The following FRMD8 variants were observed in gnomAD, a reference collection of about 807,000 sequenced individuals.
The protein encoded by FRMD8 is FERM domain-containing protein 8.
Under a neutral mutation model 54.2 loss-of-function variants are expected in FRMD8, and 37 were observed. The observed-to-expected ratio is 0.68, with a 90% CI of 0.53 to 0.90. The LOEUF (loss-of-function observed/expected upper bound fraction) is 0.90. FRMD8 is among the 40% of genes least tolerant of loss of function. FRMD8 has a pLI of 0.00. For missense variants in FRMD8, 585 were observed against 653.7 expected, an observed-to-expected ratio of 0.89 and a Z score of 1.15; for synonymous variants, 246 against 286.9, an observed-to-expected ratio of 0.86 and a Z score of 1.44.
intron 10 of FRMD8, among the ~76,000 whole-genome samples, chr11:65,405,832 CTCTACAAAATATACTTAAACT>C (rs1856183996): frequency 6.6e-6 from 1 of 151,860 alleles, no homozygotes; most frequent in Non-Finnish European, 1.5e-5. Flanking sequence ...GAGACCCTGT[CTCTACAAAATATACTTAAACT>C]TAGCTGAGCA....
intron 4 of FRMD8, 151 bp from the exon 5 acceptor site, chr11:65,393,890 T>G: frequency 1.2e-6 from 1 of 846,168 alleles, no homozygotes; most frequent in Non-Finnish European, 1.9e-6. Context: ...CGGGGCACGT[T>G]GGGATGAGCT....
At chr11:65,394,012 C>T (rs753324725) in intron 4 of FRMD8, 29 bp from the exon 5 acceptor site, 1 of 1,612,074 alleles carries the variant, frequency 6.2e-7, no homozygotes, top group South Asian at 1.1e-5. Context: ...AGTGGGGATG[C>T]CCGGCAGTGA....
intron 10 of FRMD8, 57 bp from the exon 11 acceptor site, chr11:65,411,185 A>G: frequency 7.1e-7 from 1 of 1,417,690 alleles, no homozygotes; most frequent in Non-Finnish European, 9.6e-7. Context: ...CCTGGGCCTG[A>G]GCCCCCTCAC....
the FRMD8 span, among the ~76,000 whole-genome samples, chr11:65,371,984 T>C: frequency 3.0e-4 from 46 of 152,166 alleles, no homozygotes; most frequent in African/African-American, 1.1e-3. Context: ...CAATCTCAGC[T>C]CACTTCAACC....
In FRMD8 at chr11:65,393,638, C is replaced by G; in HGVS notation, c.319C>G (p.Arg107Gly). The change falls in exon 4 of 11, where the codon CGC becomes GGC. Residue 107 changes from arginine to glycine, a missense_variant. Transcript: ENST00000317568. ...LGRQWPELLL[R>G]FTSAPDDDVA... ...ACGCCAGTGGCCGGAGCTGCTGCTG[C>G]GCTTCACCAGTGCCCCAGACGATGA... The G allele has an allele frequency of 6.2e-7, 1 of 1,607,950 alleles. No homozygotes were observed. Among genetic ancestry groups the G allele is most frequent in the Non-Finnish European group, 8.5e-7 (1 of 1,179,868 alleles).
chr11:65,380,335 G>T, the FRMD8 span: 3 of 1,089,188 alleles, frequency 2.8e-6, no homozygotes. Flanking sequence ...GACTCCAGCT[G>T]CCCCTGCCAC....
chr11:65,379,684 A>C, the FRMD8 span: 1 of 1,264,980 alleles, frequency 7.9e-7, no homozygotes, highest in Non-Finnish European at 1.1e-6. Context: ...GGAAGTGGGG[A>C]CAGGCAGGGA....
chr11:65,381,764 C>A, upstream of FRMD8: 1 of 920,532 alleles, frequency 1.1e-6, no homozygotes, highest in South Asian at 1.3e-5. Context: ...CCCTATGTTG[C>A]CCAGACTGGT....
chr11:65,390,487 C>T (rs1855821763), intron 3 of FRMD8, among the ~76,000 whole-genome samples: 1 of 152,136 alleles, frequency 6.6e-6, no homozygotes, highest in South Asian at 2.1e-4. Flanking sequence ...GTTATGTCTT[C>T]TCCTGAGGCT....
the FRMD8 span, chr11:65,376,527 G>A: frequency 5.0e-6 from 8 of 1,614,098 alleles, no homozygotes; most frequent in Admixed American, 1.7e-5. Context: ...CCTGCCGGAT[G>A]CTGCTCACCA....
the FRMD8 span, chr11:65,376,605 G>C: frequency 6.2e-7 from 1 of 1,614,064 alleles, no homozygotes; most frequent in Non-Finnish European, 8.5e-7. Context: ...ACTTGATCAT[G>C]TCTAAGGGCG....
chr11:65,389,502 C>T lies in FRMD8; in HGVS notation c.227C>T (p.Ala76Val), dbSNP rs931788549. ...CCAGACATCGCCCTGGATGTCTTCGCGCTCTGGCTGGTCTCCCCTCTGCTG... is the reference window on the plus strand; with the variant it reads ...CCAGACATCGCCCTGGATGTCTTCGTGCTCTGGCTGGTCTCCCCTCTGCTG... Reference protein sequence around the residue: ...QLPDIALDVFALWLVSPLLEV... With the variant: ...QLPDIALDVFVLWLVSPLLEV... Residue 76 changes from alanine to valine, a missense_variant, in exon 3 of 11, where the codon GCG (alanine) becomes GTG (valine). Physicochemically the swap from Ala to Val is moderately conservative, Grantham distance 64. Coordinates refer to ENST00000317568, the MANE Select transcript of FRMD8 (RefSeq NM_031904.5). 6 of 1,600,772 alleles carry T rather than the reference C, an allele frequency of 3.7e-6. No individual in the cohort carries two copies. The highest frequency in any genetic ancestry group is 1.3e-5 in the African/African-American group (1 of 74,780).
intron 3 of FRMD8, among the ~76,000 whole-genome samples, chr11:65,391,055 C>T (rs1245898901): frequency 5.9e-5 from 9 of 152,268 alleles, no homozygotes; most frequent in South Asian, 4.1e-4. Flanking sequence ...TGGGGTGAAC[C>T]GGTGACAGAT....
Position 65,394,351 on chromosome 11 carries a change from G to A in FRMD8, c.507G>A (p.Glu169=). 4 of 1,580,266 alleles carry A rather than the reference G, an allele frequency of 2.5e-6. No homozygotes were observed. The highest frequency in any genetic ancestry group is 1.7e-6 in the Non-Finnish European group (2 of 1,163,726). The part of the protein sequence containing the change: ...ARYPCDVEDC[E]ALGALVCRVQ... ...ACCCGTGCGACGTGGAGGACTGCGA[G>A]GCTCTGGGCGCCCTGGTGTGCCGCG... is the stretch of plus-strand genomic sequence containing the variant. The change falls in exon 6 of 11, where the codon GAG becomes GAA. Residue 169 remains glutamate, a synonymous_variant. Transcript: ENST00000317568.
intron 9 of FRMD8, among the ~76,000 whole-genome samples, chr11:65,402,444 C>T (rs918902607): frequency 3.9e-5 from 6 of 151,984 alleles, no homozygotes; most frequent in African/African-American, 1.5e-4. Flanking sequence ...TCTGGATTCC[C>T]TCTTCTAAAC....
Position 65,396,919 on chromosome 11 carries a change from C to T in FRMD8, c.702C>T (p.Tyr234=), listed in dbSNP as rs751638158. ...GCGAGCAGGGCCTGCTGAACGCCTACCGCCAGGTGCAGGAGGTCAGCAGCG... is the reference window on the plus strand; with the variant it reads ...GCGAGCAGGGCCTGCTGAACGCCTATCGCCAGGTGCAGGAGGTCAGCAGCG... The part of the protein sequence containing the change: ...GPGEQGLLNA[Y]RQVQEVSSDG... Residue 234 remains tyrosine, a synonymous_variant, in exon 7 of 11, where the codon TAC becomes TAT. Coordinates refer to ENST00000317568, the MANE Select transcript of FRMD8 (RefSeq NM_031904.5). 2.1e-5 allele frequency: 33 copies of T among 1,552,398 alleles called. No individual in the cohort carries two copies. The highest frequency in any genetic ancestry group is 3.4e-4 in the Middle Eastern group (2 of 5,912).
In FRMD8 at chr11:65,394,552, C is replaced by G. The variant is rs1186878919; in HGVS notation, c.581+127C>G. 6 of 1,148,942 alleles carry G rather than the reference C, an allele frequency of 5.2e-6. No homozygotes were observed. The East Asian group carries it at 1.0e-4, about 20-fold the overall frequency. 71.2% of individuals were successfully genotyped at this position (1,148,942 alleles called of 1,614,324 possible). On this transcript the variant is annotated intron_variant, in intron 6 of 10. Coordinates refer to ENST00000317568, the MANE Select transcript of FRMD8 (RefSeq NM_031904.5). ...TCCTGGAGTCAGGAGGCCTCAGCCC[C>G]GCAGGCTCACTCTGGCCCTAGGCAG...
the FRMD8 span, chr11:65,379,704 G>A: frequency 8.0e-7 from 1 of 1,246,448 alleles, no homozygotes; most frequent in African/African-American, 1.5e-5. Context: ...ATGGGCTGAG[G>A]CTGCGCCTCT....
chr11:65,381,552 C>T, the FRMD8 span: 1 of 268,020 alleles, frequency 3.7e-6, no homozygotes, highest in Non-Finnish European at 7.4e-6. Context: ...AGCCACCATG[C>T]CCTGATTCTT....
Sources: allele counts gnomAD v4.1 joint callset (sites outside exome capture counted in the v4.1 genomes callset), GRCh38; gene constraint gnomAD v4.1.1; transcripts MANE v1.5; gene names NCBI Gene and HGNC (gene_info 2026-07-23, HGNC 2026-07-21).